LRP12: variants seen among roughly 807,000 people sequenced by gnomAD.
LRP12 encodes low-density lipoprotein receptor-related protein 12.
A neutral mutation model predicts 66.0 loss-of-function variants in LRP12; 14 were observed. The ratio of observed to expected loss-of-function variants is 0.21; its 90% CI spans 0.14 to 0.33. The LOEUF is 0.33. Among genes scored for constraint, LRP12 ranks in the 10% least tolerant of loss-of-function variants. LRP12 has a pLI of 1.00. For missense variants in LRP12, 889 were observed against 1,053.4 expected (o/e 0.84, Z 2.16); for synonymous variants, 357 against 359.1 (o/e 0.99, Z 0.07).
At chr8:104,587,398 C>T (rs1406043296) in intron 1 of LRP12, among the ~76,000 whole-genome samples, 2 of 152,172 alleles carry the variant, frequency 1.3e-5, no homozygotes, top group Non-Finnish European at 2.9e-5. Flanking sequence ...GCAGGGATTA[C>T]AGCCACTTGA....
chr8:104,576,255 G>A (rs1454481128), intron 1 of LRP12, among the ~76,000 whole-genome samples: 1 of 152,106 alleles, frequency 6.6e-6, no homozygotes, highest in Non-Finnish European at 1.5e-5. Flanking sequence ...CGTTCAAATT[G>A]AGAAAATGCA....
intron 1 of LRP12, among the ~76,000 whole-genome samples, chr8:104,562,451 A>G (rs966306765): frequency 6.6e-6 from 1 of 152,294 alleles, no homozygotes; most frequent in Non-Finnish European, 1.5e-5. Flanking sequence ...AAAAAAAGTG[A>G]TAAGGAAAAG....
chr8:104,516,669 A>G lies in LRP12; in HGVS notation c.137-7595T>C, dbSNP rs183528694. Among the ~76,000 whole-genome samples the G allele has an allele frequency of 1.4e-3, 217 of 152,228 alleles. 1 individual carries two copies. Among genetic ancestry groups the G allele is most frequent in the African/African-American group, 5.1e-3 (210 of 41,582 alleles). On this transcript the variant is annotated intron_variant, in intron 2 of 6. Coordinates refer to ENST00000276654, the MANE Select transcript of LRP12 (RefSeq NM_013437.5). Reference sequence around the variant, plus strand: ...AAAAGCAAAGGACTATGGTTTTAAAACTAGATTAATGCATCATACTTATTA... The same window carrying G: ...AAAAGCAAAGGACTATGGTTTTAAAGCTAGATTAATGCATCATACTTATTA...
intron 2 of LRP12, among the ~76,000 whole-genome samples, chr8:104,525,847 G>C (rs1338541765): frequency 6.6e-6 from 1 of 151,582 alleles, no homozygotes; most frequent in African/African-American, 2.4e-5. Context: ...TTAGGCAGGA[G>C]AAGGAAAAAA....
intron 4 of LRP12, among the ~76,000 whole-genome samples, chr8:104,498,666 T>A (rs190110774): frequency 1.3e-5 from 2 of 152,208 alleles, no homozygotes; most frequent in African/African-American, 2.4e-5. Flanking sequence ...CTCTTTGCTA[T>A]TGAGAATAGT....
chr8:104,554,645 TA>T (rs1811778107), intron 1 of LRP12, among the ~76,000 whole-genome samples: 1 of 152,052 alleles, frequency 6.6e-6, no homozygotes, highest in Non-Finnish European at 1.5e-5. Context: ...TGACCAAACC[TA>T]AGGATAATCG....
intron 3 of LRP12, chr8:104,507,071 A>G (rs1243829213): frequency 1.3e-5 from 2 of 152,106 alleles, no homozygotes; most frequent in Admixed American, 1.3e-4. Flanking sequence ...ATATTTCCTA[A>G]TACTGACTCA....
At chr8:104,519,085 G>A (rs7829983) in intron 2 of LRP12, among the ~76,000 whole-genome samples, 4,658 of 152,066 alleles carry the variant, frequency 0.031, 240 homozygotes, top group African/African-American at 0.11. Flanking sequence ...GGAAACACAC[G>A]CCCACAGCTA....
intron 2 of LRP12, among the ~76,000 whole-genome samples, chr8:104,514,887 A>T (rs572935227): frequency 6.6e-6 from 1 of 152,322 alleles, no homozygotes; most frequent in South Asian, 2.1e-4. Context: ...ACTGGTTGGT[A>T]GTAATGCCTG....
At chr8:104,554,074 G>T (rs1020338719) in intron 1 of LRP12, among the ~76,000 whole-genome samples, 2 of 152,174 alleles carry the variant, frequency 1.3e-5, no homozygotes, top group Non-Finnish European at 2.9e-5. Flanking sequence ...CGGGAAGGGA[G>T]AGAACACCAC....
chr8:104,548,343 A>AT (rs369219310), intron 1 of LRP12, among the ~76,000 whole-genome samples: 22,049 of 58,660 alleles, frequency 0.38, 4,070 homozygotes, highest in Non-Finnish European at 0.45. Context: ...ATATAAATAT[A>AT]TAAATATATA....
chr8:104,527,599 G>A (rs958497964), intron 2 of LRP12, among the ~76,000 whole-genome samples: 1 of 151,756 alleles, frequency 6.6e-6, no homozygotes, highest in East Asian at 1.9e-4. Flanking sequence ...ACCAAACACC[G>A]CATGTTCTCA....
At chr8:104,582,418 C>T (rs1290435767) in intron 1 of LRP12, among the ~76,000 whole-genome samples, 1 of 152,012 alleles carries the variant, frequency 6.6e-6, no homozygotes, top group Non-Finnish European at 1.5e-5. Flanking sequence ...TCCAAATCTG[C>T]TCTGAAATTC....
intron 1 of LRP12, among the ~76,000 whole-genome samples, chr8:104,548,015 G>A (rs1350873292): frequency 1.1e-5 from 1 of 88,248 alleles, no homozygotes; most frequent in South Asian, 3.2e-4. Flanking sequence ...ATATATAATT[G>A]TTATATTTTG....
chr8:104,566,331 G>A (rs1202020690), intron 1 of LRP12: 1 of 239,070 alleles, frequency 4.2e-6, no homozygotes, highest in Non-Finnish European at 8.1e-6. Context: ...TGATTCCTCA[G>A]GTTGAAGATT....
intron 6 of LRP12, among the ~76,000 whole-genome samples, chr8:104,493,312 C>T (rs774330654): frequency 6.6e-6 from 1 of 152,080 alleles, no homozygotes; most frequent in Non-Finnish European, 1.5e-5. Flanking sequence ...AATTTGTTAC[C>T]AAAAGCTTCA....
At position 104,499,925 on chromosome 8, in the gene LRP12, C is replaced by T. The variant is rs1324211967; in HGVS notation, c.273-406G>A. 4.6e-5 allele frequency among the ~76,000 whole-genome samples: 7 copies of T among 152,296 alleles called. No homozygotes were observed. The East Asian group carries it at 1.2e-3, about 25-fold the overall frequency. ...AGTAAACACAGAGAAACTCAGCCTTCTCTTAGATTAATACCTGCTTAATGA... is the reference window on the plus strand; with the variant it reads ...AGTAAACACAGAGAAACTCAGCCTTTTCTTAGATTAATACCTGCTTAATGA... On this transcript the variant is annotated intron_variant, in intron 3 of 6. Transcript: ENST00000276654.
rs185489146 is a variant in LRP12 at position 104,573,348 on chromosome 8, C to G, written c.79+15471G>C. ...ACTGACAGAATACAGGAGTCCTACC[C>G]CCTGACTTGAGCTCAGTCCTCATTT... is the stretch of plus-strand genomic sequence containing the variant. On this transcript the variant is annotated intron_variant, in intron 1 of 6. Coordinates refer to ENST00000276654, the MANE Select transcript of LRP12 (RefSeq NM_013437.5). 5.3e-4 allele frequency among the ~76,000 whole-genome samples: 80 copies of G among 152,230 alleles called. 1 individual carries two copies. Among genetic ancestry groups the G allele is most frequent in the African/African-American group, 1.9e-3 (78 of 41,534 alleles).
chr8:104,501,703 CAAAA>C (rs35580913), intron 3 of LRP12, among the ~76,000 whole-genome samples: 1 of 118,710 alleles, frequency 8.4e-6, no homozygotes, highest in Non-Finnish European at 1.9e-5. Context: ...GACTCCACCT[CAAAA>C]AAAAAAAAAA....
Sources: gnomAD v4.1 joint callset for allele counts (sites outside exome capture counted in the v4.1 genomes callset) on GRCh38, gnomAD v4.1.1 for gene constraint, MANE v1.5 for transcripts, NCBI Gene and HGNC (gene_info 2026-07-23, HGNC 2026-07-21) for gene names.